Variants in IDE observed in about 807,000 individuals in gnomAD.
IDE encodes the protein insulin-degrading enzyme.
A neutral mutation model predicts 133.2 loss-of-function variants in IDE; 58 were observed. That is an observed-to-expected ratio of 0.44 (90% CI 0.35 to 0.54). The LOEUF is 0.54. Ranked by LOEUF, IDE falls within the 20% of genes least tolerant of loss-of-function variation. The pLI, the probability that IDE is intolerant of heterozygous loss-of-function variation, is 0.00. For synonymous variants in IDE, 396 were observed against 421.3 expected (o/e 0.94, Z 0.73); for missense variants, 981 against 1,234.0 (o/e 0.79, Z 3.07).
intron 5 of IDE, among the ~76,000 whole-genome samples, chr10:92,512,384 T>C (rs1345484320): frequency 1.3e-5 from 2 of 152,222 alleles, no homozygotes; most frequent in African/African-American, 4.8e-5. Context: ...GGGAGAGTGA[T>C]GTGTATGGAT....
At chr10:92,555,308 A>T (rs926075696) in intron 1 of IDE, among the ~76,000 whole-genome samples, 1 of 151,796 alleles carries the variant, frequency 6.6e-6, no homozygotes, top group African/African-American at 2.4e-5. Flanking sequence ...GACCAGCCTG[A>T]CCAACATGGT....
chr10:92,456,452 G>A, intron 22 of IDE, 21 bp from the exon 23 acceptor site: 2 of 1,584,718 alleles, frequency 1.3e-6, no homozygotes, highest in Non-Finnish European at 1.7e-6. Flanking sequence ...AGAAGAGCAG[G>A]GTCACCCTTT....
intron 1 of IDE, among the ~76,000 whole-genome samples, chr10:92,551,982 A>C (rs1842805679): frequency 6.6e-6 from 1 of 152,182 alleles, no homozygotes; most frequent in African/African-American, 2.4e-5. Flanking sequence ...CACACACACA[A>C]AAAGGTCAAA....
At chr10:92,521,545 A>T (rs901031385) in intron 4 of IDE, among the ~76,000 whole-genome samples, 8 of 152,156 alleles carry the variant, frequency 5.3e-5, no homozygotes, top group Admixed American at 1.3e-4. Flanking sequence ...CTTAAAAGAC[A>T]TATCAGACTG....
chr10:92,553,693 C>T (rs777781972), intron 1 of IDE, among the ~76,000 whole-genome samples: 8 of 152,026 alleles, frequency 5.3e-5, no homozygotes, highest in Non-Finnish European at 7.4e-5. Flanking sequence ...TCATTAGTGG[C>T]TATTATGAGC....
At chr10:92,478,787 C>A in intron 15 of IDE, 1 of 1,211,002 alleles carries the variant, frequency 8.3e-7, no homozygotes, top group Non-Finnish European at 1.1e-6. Flanking sequence ...ATAAATGTAG[C>A]GACTAACAAA....
intron 1 of IDE, among the ~76,000 whole-genome samples, chr10:92,566,172 A>G (rs1843536429): frequency 1.4e-5 from 2 of 147,552 alleles, no homozygotes; most frequent in Non-Finnish European, 3.0e-5. Flanking sequence ...TCTGGGCAAC[A>G]TGACGAAATC....
chr10:92,460,353 C>T (rs1845308274), intron 22 of IDE, among the ~76,000 whole-genome samples: 1 of 152,334 alleles, frequency 6.6e-6, no homozygotes, highest in African/African-American at 2.4e-5. Flanking sequence ...TAATCTGATT[C>T]TCAAGTTCTT....
rs867455092 is a variant in IDE, at chr10:92,489,411, G to A, written c.1533+1082C>T. 5.9e-5 allele frequency among the ~76,000 whole-genome samples: 9 copies of A among 152,190 alleles called. No homozygotes were observed. In the South Asian group the frequency reaches 1.7e-3, roughly 28 times the overall value. On this transcript the variant is annotated intron_variant, in intron 12 of 24. Coordinates refer to ENST00000265986, the MANE Select transcript of IDE (RefSeq NM_004969.4). ...CTAAAAATACAAAAATTAGCTGGGC[G>A]TGGTGGCATGCGCCTATAGTCCCAG... is the stretch of plus-strand genomic sequence containing the variant.
intron 1 of IDE, among the ~76,000 whole-genome samples, chr10:92,540,237 T>C (rs1351861843): frequency 4.1e-5 from 6 of 147,316 alleles, no homozygotes; most frequent in African/African-American, 1.5e-4. Context: ...AGAGCGAGAC[T>C]CCGTCTCAAA....
rs545420611 is a variant in IDE at position 92,554,185 on chromosome 10, A to G, written c.99-16635T>C. On this transcript the variant is annotated intron_variant, in intron 1 of 24. Coordinates refer to ENST00000265986, the MANE Select transcript of IDE (RefSeq NM_004969.4). ...AGGATGGTTCAACATCAACACACTTATTGCAAATCAATAAATGTGATATAC... is the reference window on the plus strand; with the variant it reads ...AGGATGGTTCAACATCAACACACTTGTTGCAAATCAATAAATGTGATATAC... 2.6e-5 allele frequency among the ~76,000 whole-genome samples: 4 copies of G among 152,348 alleles called. No homozygotes were observed. The East Asian group carries it at 5.8e-4, about 22-fold the overall frequency.
chr10:92,537,629 T>A, intron 1 of IDE, 79 bp from the exon 2 acceptor site: 1 of 1,001,136 alleles, frequency 1.0e-6, no homozygotes, highest in East Asian at 2.4e-5. Flanking sequence ...TAAACCCATA[T>A]AATACATCAT....
chr10:92,477,354 T>C (rs1275953516), intron 15 of IDE, among the ~76,000 whole-genome samples: 2 of 151,720 alleles, frequency 1.3e-5, no homozygotes, highest in East Asian at 4.0e-4. Context: ...GGTCTTGCCA[T>C]GTTGCCCAGG....
At chr10:92,474,106 C>T (rs531756737) in intron 17 of IDE, among the ~76,000 whole-genome samples, 1 of 152,244 alleles carries the variant, frequency 6.6e-6, no homozygotes, top group South Asian at 2.1e-4. Context: ...CTCTGTCATC[C>T]AAGCTGGAGC....
At chr10:92,533,265 GA>G (rs1850041352) in intron 3 of IDE, among the ~76,000 whole-genome samples, 1 of 152,108 alleles carries the variant, frequency 6.6e-6, no homozygotes, top group African/African-American at 2.4e-5. Context: ...AGCAAGAGAT[GA>G]AATTCAGTGT....
At chr10:92,513,923 T>C (rs527729095) in intron 5 of IDE, among the ~76,000 whole-genome samples, 1 of 152,086 alleles carries the variant, frequency 6.6e-6, no homozygotes, top group Admixed American at 6.5e-5. Flanking sequence ...CCTGAGGTAT[T>C]AATACTATAA....
intron 11 of IDE, among the ~76,000 whole-genome samples, chr10:92,500,367 A>T (rs1264844958): frequency 6.6e-6 from 1 of 152,176 alleles, no homozygotes; most frequent in Non-Finnish European, 1.5e-5. Context: ...CATATAATGG[A>T]ACACTATTTA....
Position 92,487,338 on chromosome 10 carries a change from C to T in IDE, c.1534-20G>A. On this transcript the variant is annotated intron_variant, in intron 12 of 24. Transcript: ENST00000265986. The stretch of plus-strand genomic sequence containing the variant: ...CCATTTCTGGATGAATAATGAAACA[C>T]ACAAATGCAGTAAGAGTCTGATTTA... 1.2e-6 allele frequency: 2 copies of T among 1,603,804 alleles called. No individual in the cohort carries two copies. Among genetic ancestry groups the T allele is most frequent in the Non-Finnish European group, 1.7e-6 (2 of 1,174,212 alleles).
In IDE at chr10:92,475,982, C is replaced by G. The variant is rs1485863856; in HGVS notation, c.1897G>C (p.Gly633Arg). Residue 633 changes from glycine to arginine, a missense_variant, in exon 16 of 25, where the codon GGT becomes CGT. Gly to Arg is a moderately radical substitution (Grantham distance 125). This residue lies in a region of IDE where 660 missense variants were observed against 894.7 expected (regional missense o/e 0.74). Transcript: ENST00000265986. ...TIYGMYLSVK[G>R]YNDKQPILLK... ...AAAATTGGCTGCTTGTCATTGTAAC[C>G]TTTCACTGAAAGCTACAGAAAGAAT... 2.1e-6 allele frequency: 3 copies of G among 1,459,618 alleles called. No individual in the cohort carries two copies. Among genetic ancestry groups the G allele is most frequent in the Non-Finnish European group, 1.9e-6 (2 of 1,055,738 alleles). 90.4% of individuals were successfully genotyped at this position (1,459,618 alleles called of 1,614,324 possible).
Sources: gnomAD v4.1 joint callset for allele counts (sites outside exome capture counted in the v4.1 genomes callset) on GRCh38, gnomAD v4.1.1 for gene constraint, gnomAD v4.1.1 regional missense constraint, MANE v1.5 for transcripts, NCBI Gene and HGNC (gene_info 2026-07-23, HGNC 2026-07-21) for gene names.